ZPLD1: variants seen among roughly 807,000 people sequenced by gnomAD.
ZPLD1 encodes the protein zona pellucida like domain containing 1, also known as zona pellucida-like domain-containing protein 1.
ZPLD1 carries 34 observed loss-of-function variants against 47.2 expected under a neutral mutation model. The observed-to-expected ratio is 0.72, with a 90% CI of 0.55 to 0.96. The LOEUF is 0.96. ZPLD1 is among the 40% of genes least tolerant of loss of function. The pLI is 0.00. For synonymous variants in ZPLD1, 176 were observed against 186.2 expected (o/e 0.95, Z 0.45); for missense variants, 512 against 505.8 (o/e 1.01, Z -0.12).
At chr3:102,428,965 C>A (rs1706983814) in intron 8 of ZPLD1, among the ~76,000 whole-genome samples, 1 of 152,066 alleles carries the variant, frequency 6.6e-6, no homozygotes, top group South Asian at 2.1e-4. Context: ...TTATTTTAAA[C>A]ATGTGCTTAT....
At chr3:102,432,843 G>A (rs1275402378), upstream of ZPLD1, among the ~76,000 whole-genome samples, 4 of 152,128 alleles carry the variant, frequency 2.6e-5, no homozygotes, top group African/African-American at 9.6e-5. Context: ...CATAGATCTG[G>A]GTTGTTCATA....
intron 3 of ZPLD1, among the ~76,000 whole-genome samples, chr3:102,441,836 T>C (rs1707183510): frequency 6.6e-6 from 1 of 152,282 alleles, no homozygotes; most frequent in Middle Eastern, 3.4e-3. Context: ...CTTTACCTGG[T>C]AAGTAGGGTG....
At chr3:102,432,123 A>G (rs1707022885), upstream of ZPLD1, among the ~76,000 whole-genome samples, 1 of 152,200 alleles carries the variant, frequency 6.6e-6, no homozygotes, top group Admixed American at 6.5e-5. Context: ...CTGTTAAAAT[A>G]CACACATTTT....
intron 8 of ZPLD1, among the ~76,000 whole-genome samples, chr3:102,429,203 A>G (rs1706986498): frequency 6.6e-6 from 1 of 152,180 alleles, no homozygotes; most frequent in Non-Finnish European, 1.5e-5. Context: ...CATGTAATCT[A>G]AGTGTTTAAC....
At chr3:102,399,036 A>G (rs1450850576) in intron 7 of ZPLD1, among the ~76,000 whole-genome samples, 1 of 152,140 alleles carries the variant, frequency 6.6e-6, no homozygotes, top group African/African-American at 2.4e-5. Context: ...AACAAGAACT[A>G]TGAAAAGGAA....
At chr3:102,422,815 T>TTG (rs1559746633) in intron 8 of ZPLD1, among the ~76,000 whole-genome samples, 1 of 151,702 alleles carries the variant, frequency 6.6e-6, no homozygotes, top group Non-Finnish European at 1.5e-5. Context: ...ATAGGAACTT[T>TTG]TTGTTGTTGT....
chr3:102,466,775 A>C, intron 8 of ZPLD1, among the ~76,000 whole-genome samples: 1 of 152,106 alleles, frequency 6.6e-6, no homozygotes. Context: ...AAAATAAACA[A>C]ATATGAAGGA....
chr3:102,451,713 T>C (rs1707338841), intron 3 of ZPLD1, among the ~76,000 whole-genome samples: 1 of 152,138 alleles, frequency 6.6e-6, no homozygotes, highest in African/African-American at 2.4e-5. Flanking sequence ...TAGCTTCCAG[T>C]GGTTTGCCAG....
intron 9 of ZPLD1, 84 bp downstream of exon 9, chr3:102,469,219 T>C: frequency 7.1e-7 from 1 of 1,409,242 alleles, no homozygotes; most frequent in Non-Finnish European, 9.6e-7. Context: ...AAGTTCTGCA[T>C]AGAAAGTGGA....
At chr3:102,419,087 C>T (rs1446129591) in intron 8 of ZPLD1, among the ~76,000 whole-genome samples, 1 of 151,946 alleles carries the variant, frequency 6.6e-6, no homozygotes, top group Non-Finnish European at 1.5e-5. Flanking sequence ...TTATAATTCA[C>T]TTTAAGGGTC....
chr3:102,398,994 A>G (rs1706589367), intron 7 of ZPLD1, among the ~76,000 whole-genome samples: 1 of 152,188 alleles, frequency 6.6e-6, no homozygotes, highest in African/African-American at 2.4e-5. Context: ...ATTCACATGT[A>G]TAACAACGCT....
intron 11 of ZPLD1, among the ~76,000 whole-genome samples, 174 bp from the exon 12 acceptor site, chr3:102,477,269 A>G (rs555420826): frequency 5.3e-5 from 8 of 152,292 alleles, no homozygotes; most frequent in African/African-American, 1.7e-4. Context: ...CCTCTAAACC[A>G]TACAATCCTT....
At chr3:102,466,318 C>T (rs181391377) in intron 8 of ZPLD1, among the ~76,000 whole-genome samples, 1 of 152,244 alleles carries the variant, frequency 6.6e-6, no homozygotes, top group Admixed American at 6.5e-5. Context: ...TCCACATTGC[C>T]TTAGGGGTCC....
chr3:102,424,991 T>TG (rs563569351), intron 8 of ZPLD1, among the ~76,000 whole-genome samples: 340 of 149,530 alleles, frequency 2.3e-3, no homozygotes, highest in Admixed American at 3.7e-3. Flanking sequence ...GAAAAATAGC[T>TG]GGGGTTTTTT....
chr3:102,418,719 A>G (rs1488126114), intron 8 of ZPLD1, among the ~76,000 whole-genome samples: 1 of 152,052 alleles, frequency 6.6e-6, no homozygotes, highest in Non-Finnish European at 1.5e-5. Context: ...GAAGCTGGCT[A>G]GATATGTGTG....
intron 7 of ZPLD1, among the ~76,000 whole-genome samples, chr3:102,395,426 C>T (rs889820456): frequency 3.3e-5 from 5 of 151,952 alleles, no homozygotes; most frequent in East Asian, 3.9e-4. Flanking sequence ...TGATGAAAGA[C>T]GAAGAGGTTG....
chr3:102,458,211 T>C (rs1017656574), intron 6 of ZPLD1, among the ~76,000 whole-genome samples: 3 of 152,152 alleles, frequency 2.0e-5, no homozygotes, highest in Non-Finnish European at 4.4e-5. Context: ...TTTTTATGTG[T>C]GATACAAAGA....
rs573411075 is a variant in ZPLD1 at position 102,455,502 on chromosome 3, G to T, written c.328-691G>T. 4.3e-4 allele frequency among the ~76,000 whole-genome samples: 65 copies of T among 152,316 alleles called. No individual in the cohort carries two copies. In the South Asian group the frequency reaches 5.8e-3, roughly 14 times the overall value. ...AGTATCTTTATGAACTAGAGAGGAA[G>T]ACCCTGAGAAGATTAATCCTCAGAA... On this transcript the variant is annotated intron_variant, in intron 4 of 11. Coordinates refer to ENST00000466937, the MANE Select transcript of ZPLD1 (RefSeq NM_001329788.2).
rs576712278 is a variant in ZPLD1 at position 102,440,469 on chromosome 3, C to CA, written c.106+1884dup. ...ACTGGATGTTGATGCTGTTAACTGA[C>CA]AAAAAAAACATAGGACACTTGCATG... is the stretch of plus-strand genomic sequence containing the variant. On this transcript the variant is annotated intron_variant, in intron 3 of 11. Transcript: ENST00000466937. 2.3e-4 allele frequency among the ~76,000 whole-genome samples: 35 copies of CA among 151,242 alleles called. 1 individual carries two copies. The highest frequency in any genetic ancestry group is 6.1e-4 in the African/African-American group (25 of 41,268).
Sources: allele counts gnomAD v4.1 joint callset (sites outside exome capture counted in the v4.1 genomes callset), GRCh38; gene constraint gnomAD v4.1.1; transcripts MANE v1.5; gene names NCBI Gene and HGNC (gene_info 2026-07-23, HGNC 2026-07-21).